The following CNTN4 variants were observed in gnomAD, a reference collection of about 807,000 sequenced individuals.
CNTN4 encodes the protein contactin-4.
Under a neutral mutation model 122.5 loss-of-function variants are expected in CNTN4, and 77 were observed. That is an observed-to-expected ratio of 0.63 (90% confidence interval 0.52 to 0.76). CNTN4 has a LOEUF of 0.76. Ranked by LOEUF, CNTN4 falls within the 30% of genes least tolerant of loss-of-function variation. The pLI is 0.00. For missense variants in CNTN4, 1,256 were observed against 1,259.1 expected (o/e 1.00, Z 0.04); for synonymous variants, 512 against 447.0 (o/e 1.15, Z -1.83).
At chr3:2,883,031 T>G (rs1487888343) in intron 8 of CNTN4, 114 bp from the exon 9 acceptor site, 3 of 737,176 alleles carry the variant, frequency 4.1e-6, no homozygotes, top group Non-Finnish European at 4.7e-6. Flanking sequence ...AATGAAGGAA[T>G]TAATTGTGCA....
chr3:2,242,259 C>T (rs1187650241), intron 2 of CNTN4, among the ~76,000 whole-genome samples: 1 of 151,988 alleles, frequency 6.6e-6, no homozygotes, highest in African/African-American at 2.4e-5. Flanking sequence ...TAATGACAAC[C>T]ATAATGGCCA....
intron 2 of CNTN4, among the ~76,000 whole-genome samples, chr3:2,224,797 G>A (rs1386786540): frequency 2.0e-5 from 3 of 152,066 alleles, no homozygotes; most frequent in Non-Finnish European, 4.4e-5. Flanking sequence ...AGTTAATCAG[G>A]TTGACTCAAT....
At chr3:2,211,492 C>T (rs2149441656) in intron 2 of CNTN4, among the ~76,000 whole-genome samples, 1 of 152,174 alleles carries the variant, frequency 6.6e-6, no homozygotes, top group African/African-American at 2.4e-5. Context: ...TGATTTTCTT[C>T]CCTTATCAAT....
intron 4 of CNTN4, among the ~76,000 whole-genome samples, chr3:2,607,595 T>C (rs2081311181): frequency 4.9e-5 from 1 of 20,342 alleles, no homozygotes; most frequent in African/African-American, 1.4e-4. Flanking sequence ...AATACGTGTG[T>C]ATATACATAT....
At chr3:2,334,053 C>A (rs755262331) in intron 2 of CNTN4, among the ~76,000 whole-genome samples, 1 of 152,172 alleles carries the variant, frequency 6.6e-6, no homozygotes, top group Non-Finnish European at 1.5e-5. Context: ...TAAATGGTAA[C>A]TCTTACCTCT....
intron 13 of CNTN4, among the ~76,000 whole-genome samples, chr3:2,969,951 C>T (rs1692729650): frequency 6.6e-6 from 1 of 151,952 alleles, no homozygotes; most frequent in Non-Finnish European, 1.5e-5. Context: ...ATATATACAC[C>T]CACACACACA....
At chr3:2,651,193 C>G (rs992113022) in intron 4 of CNTN4, among the ~76,000 whole-genome samples, 1 of 152,116 alleles carries the variant, frequency 6.6e-6, no homozygotes, top group Non-Finnish European at 1.5e-5. Flanking sequence ...TTTAACAGCT[C>G]CATTCTTTCA....
At chr3:2,247,625 TTGA>T (rs757635050) in intron 2 of CNTN4, among the ~76,000 whole-genome samples, 6 of 152,050 alleles carry the variant, frequency 3.9e-5, no homozygotes, top group South Asian at 2.1e-4. Flanking sequence ...GACTGTATTC[TTGA>T]TGATAAAATG....
chr3:2,119,610 G>A (rs2033590719), intron 2 of CNTN4, among the ~76,000 whole-genome samples: 1 of 152,158 alleles, frequency 6.6e-6, no homozygotes, highest in African/African-American at 2.4e-5. Flanking sequence ...TTACTCCCTG[G>A]AAATTTGTAG....
At chr3:2,437,769 C>T (rs912310395) in intron 3 of CNTN4, among the ~76,000 whole-genome samples, 6 of 152,122 alleles carry the variant, frequency 3.9e-5, no homozygotes, top group African/African-American at 4.8e-5. Context: ...GAAGCGTAAT[C>T]GCCAATATCT....
intron 7 of CNTN4, among the ~76,000 whole-genome samples, chr3:2,865,850 A>T (rs1397998518): frequency 6.6e-6 from 1 of 152,188 alleles, no homozygotes; most frequent in Non-Finnish European, 1.5e-5. Flanking sequence ...ATTCTTATAA[A>T]AGTTAGAACT....
At chr3:2,251,422 C>T (rs1322084305) in intron 2 of CNTN4, among the ~76,000 whole-genome samples, 1 of 151,802 alleles carries the variant, frequency 6.6e-6, no homozygotes, top group Admixed American at 6.6e-5. Context: ...GTTTTCTCAC[C>T]TGCATTTGAG....
chr3:2,668,432 A>T (rs1300575667), intron 4 of CNTN4, among the ~76,000 whole-genome samples: 1 of 152,188 alleles, frequency 6.6e-6, no homozygotes, highest in African/African-American at 2.4e-5. Flanking sequence ...TGATTTTTGC[A>T]CATTGATTTT....
chr3:2,199,056 T>G (rs2037975323), intron 2 of CNTN4, among the ~76,000 whole-genome samples: 1 of 152,198 alleles, frequency 6.6e-6, no homozygotes, highest in Non-Finnish European at 1.5e-5. Flanking sequence ...TCAGAATACC[T>G]ACAGCAAACA....
intron 13 of CNTN4, among the ~76,000 whole-genome samples, chr3:2,941,739 G>A (rs2094618124): frequency 6.6e-6 from 1 of 152,082 alleles, no homozygotes; most frequent in Non-Finnish European, 1.5e-5. Context: ...AATGGTAATG[G>A]AAATCAAATC....
chr3:2,558,762 C>A (rs926779970), intron 3 of CNTN4, among the ~76,000 whole-genome samples: 1 of 152,164 alleles, frequency 6.6e-6, no homozygotes, highest in African/African-American at 2.4e-5. Flanking sequence ...AATTATTATA[C>A]TGCAACCCTA....
At chr3:2,825,265 G>A (rs1488311701) in intron 7 of CNTN4, among the ~76,000 whole-genome samples, 1 of 151,378 alleles carries the variant, frequency 6.6e-6, no homozygotes, top group Non-Finnish European at 1.5e-5. Context: ...TCGCTCTGTC[G>A]CCCAGGCTAG....
chr3:2,952,897 G>C (rs972055550), intron 13 of CNTN4, among the ~76,000 whole-genome samples: 10 of 152,168 alleles, frequency 6.6e-5, no homozygotes, highest in Admixed American at 2.0e-4. Context: ...TGTTGAGTGA[G>C]TGCCTAATAT....
chr3:2,810,535 A>G (rs961680507), intron 6 of CNTN4, among the ~76,000 whole-genome samples: 1 of 152,216 alleles, frequency 6.6e-6, no homozygotes, highest in South Asian at 2.1e-4. Context: ...TGTCTTTGGC[A>G]GTCTCCACAC....
Sources: allele counts gnomAD v4.1 joint callset (sites outside exome capture counted in the v4.1 genomes callset), GRCh38; gene constraint gnomAD v4.1.1; transcripts MANE v1.5; gene names NCBI Gene and HGNC (gene_info 2026-07-23, HGNC 2026-07-21).